Variants in TMEM74 observed in about 807,000 individuals in gnomAD.
TMEM74 encodes transmembrane protein 74.
In TMEM74, 13 loss-of-function variants were observed where a neutral mutation model predicts 18.1. That is an observed-to-expected ratio of 0.72 (90% CI 0.47 to 1.14). The LOEUF is 1.14. Among genes scored for constraint, TMEM74 ranks in the 50% most tolerant of loss-of-function variants. The pLI is 0.00. For missense variants in TMEM74, 372 were observed against 375.9 expected (o/e 0.99, Z 0.09); for synonymous variants, 159 against 146.6 (o/e 1.08, Z -0.61).
chr8:108,786,661 CA>C (rs1814389404), intron 1 of TMEM74, among the ~76,000 whole-genome samples: 1 of 152,128 alleles, frequency 6.6e-6, no homozygotes, highest in Non-Finnish European at 1.5e-5. Context: ...TAAACTAGAA[CA>C]AACCCCCACT....
At chr8:108,698,516 T>C (rs987918605) in intron 1 of TMEM74, among the ~76,000 whole-genome samples, 2 of 152,226 alleles carry the variant, frequency 1.3e-5, no homozygotes, top group African/African-American at 4.8e-5. Context: ...TGTGGTATGC[T>C]TAGGACAGTG....
intron 1 of TMEM74, among the ~76,000 whole-genome samples, chr8:108,693,007 GCT>G (rs1813246055): frequency 6.6e-6 from 1 of 152,182 alleles, no homozygotes; most frequent in African/African-American, 2.4e-5. Context: ...GGCAGAGAGG[GCT>G]GCTTTAGCTA....
chr8:108,610,737 G>T (rs1316126829), intron 2 of TMEM74, among the ~76,000 whole-genome samples: 1 of 152,160 alleles, frequency 6.6e-6, no homozygotes, highest in Non-Finnish European at 1.5e-5. Context: ...AAAGAGCAGA[G>T]GACAGCAGGT....
intron 1 of TMEM74, among the ~76,000 whole-genome samples, chr8:108,678,946 G>A (rs909592272): frequency 7.0e-5 from 9 of 128,264 alleles, no homozygotes; most frequent in African/African-American, 2.1e-4. Flanking sequence ...CCCTTCCTGC[G>A]TCCATGTGTT....
chr8:108,682,257 C>A (rs1419304930), intron 1 of TMEM74, among the ~76,000 whole-genome samples: 1 of 151,990 alleles, frequency 6.6e-6, no homozygotes, highest in Non-Finnish European at 1.5e-5. Flanking sequence ...CATCTCCAGG[C>A]TTTTGCATAT....
chr8:108,664,043 G>T (rs1812926087), intron 1 of TMEM74, among the ~76,000 whole-genome samples: 1 of 152,164 alleles, frequency 6.6e-6, no homozygotes, highest in Non-Finnish European at 1.5e-5. Context: ...GATCTGTGCA[G>T]CAAACCACCA....
intron 1 of TMEM74, among the ~76,000 whole-genome samples, chr8:108,702,606 AT>A (rs902464343): frequency 4.6e-5 from 7 of 151,856 alleles, no homozygotes; most frequent in African/African-American, 9.7e-5. Context: ...TAGGAGAGAA[AT>A]TTTTTTTATT....
chr8:108,626,919 T>C (rs1251471633), intron 2 of TMEM74, among the ~76,000 whole-genome samples: 1 of 152,006 alleles, frequency 6.6e-6, no homozygotes, highest in African/African-American at 2.4e-5. Flanking sequence ...AATCCATAAA[T>C]GATTTCTTAA....
At chr8:108,640,100 C>G (rs1267863122) in intron 2 of TMEM74, among the ~76,000 whole-genome samples, 3 of 130,920 alleles carry the variant, frequency 2.3e-5, no homozygotes, top group South Asian at 5.1e-4. Context: ...TTCTTTTACT[C>G]TTTTATAGTA....
At chr8:108,646,943 T>G (rs1812726225) in intron 2 of TMEM74, among the ~76,000 whole-genome samples, 1 of 152,188 alleles carries the variant, frequency 6.6e-6, no homozygotes, top group Non-Finnish European at 1.5e-5. Flanking sequence ...ATTAAACATC[T>G]GTACATTTCA....
At chr8:108,648,387 A>G (rs540642498) in intron 2 of TMEM74, among the ~76,000 whole-genome samples, 4 of 152,144 alleles carry the variant, frequency 2.6e-5, no homozygotes, top group Admixed American at 6.6e-5. Context: ...CAATCTGCCA[A>G]CTGCCAGGTA....
Position 108,764,177 on chromosome 8 carries a change from C to T in TMEM74, n.119+23299G>A, listed in dbSNP as rs28418383. Among the ~76,000 whole-genome samples, 1,100 of 152,172 alleles carry T rather than the reference C, an allele frequency of 7.2e-3. 9 individuals carry two copies. The highest frequency in any genetic ancestry group is 0.025 in the African/African-American group (1,035 of 41,526). On this transcript the variant is annotated intron_variant and non_coding_transcript_variant, in intron 1 of 3. Coordinates refer to the TMEM74 transcript ENST00000518838. Reference sequence around the variant, plus strand: ...GATAAAGGAGAGGATGTCTCAATGGCAGATTCAGTCTAATTTACAGCAATG... The same window carrying T: ...GATAAAGGAGAGGATGTCTCAATGGTAGATTCAGTCTAATTTACAGCAATG...
At chr8:108,774,936 AG>A (rs1814211622), downstream of TMEM74, among the ~76,000 whole-genome samples, 1 of 151,918 alleles carries the variant, frequency 6.6e-6, no homozygotes, top group Non-Finnish European at 1.5e-5. Flanking sequence ...TCAACTCCCA[AG>A]GAGGAAGACT....
At chr8:108,702,211 G>T (rs1813342671) in intron 1 of TMEM74, among the ~76,000 whole-genome samples, 1 of 151,900 alleles carries the variant, frequency 6.6e-6, no homozygotes, top group Non-Finnish European at 1.5e-5. Flanking sequence ...AGGTGTGGTG[G>T]TGGGCACCTG....
At chr8:108,656,692 A>G (rs1812824583) in intron 1 of TMEM74, among the ~76,000 whole-genome samples, 1 of 152,026 alleles carries the variant, frequency 6.6e-6, no homozygotes, top group South Asian at 2.1e-4. Flanking sequence ...TCTCACGATC[A>G]TAAATTCAGC....
At chr8:108,707,753 T>C (rs911849432) in intron 1 of TMEM74, among the ~76,000 whole-genome samples, 11 of 152,130 alleles carry the variant, frequency 7.2e-5, no homozygotes, top group Non-Finnish European at 1.2e-4. Flanking sequence ...GAAGGAAACA[T>C]AGGGTAAAAT....
At chr8:108,692,478 A>G (rs2130608402) in intron 1 of TMEM74, among the ~76,000 whole-genome samples, 1 of 152,130 alleles carries the variant, frequency 6.6e-6, no homozygotes, top group South Asian at 2.1e-4. Flanking sequence ...CTCTCTTCTT[A>G]TTCTTTTTGC....
chr8:108,767,644 CT>C (rs1814124119), intron 1 of TMEM74, among the ~76,000 whole-genome samples: 1 of 152,088 alleles, frequency 6.6e-6, no homozygotes, highest in Admixed American at 6.6e-5. Flanking sequence ...TACTTTGTAA[CT>C]TTGATCAAAT....
At chr8:108,755,010 A>T (rs1373670757) in intron 1 of TMEM74, among the ~76,000 whole-genome samples, 2 of 152,062 alleles carry the variant, frequency 1.3e-5, no homozygotes, top group East Asian at 3.9e-4. Flanking sequence ...ACTGATTCAA[A>T]TGCAAGTCTC....
Sources: allele counts gnomAD v4.1 joint callset (sites outside exome capture counted in the v4.1 genomes callset), GRCh38; gene constraint gnomAD v4.1.1; transcripts MANE v1.5; gene names NCBI Gene and HGNC (gene_info 2026-07-23, HGNC 2026-07-21).